The following KCNK13 variants were observed in gnomAD, a reference collection of about 807,000 sequenced individuals.
KCNK13 encodes potassium two pore domain channel subfamily K member 13, also known as potassium channel subfamily K member 13.
KCNK13 carries 12 observed loss-of-function variants against 23.4 expected under a neutral mutation model. The ratio of observed to expected loss-of-function variants is 0.51; its 90% CI spans 0.33 to 0.83. The LOEUF (loss-of-function observed/expected upper bound fraction) is 0.83. Ranked by LOEUF, KCNK13 falls within the 40% of genes least tolerant of loss-of-function variation. The probability of loss-of-function intolerance (pLI) is 0.02; values close to 1 mark genes in which losing one functional copy is unlikely to be tolerated. For missense variants in KCNK13, 463 were observed against 556.3 expected (o/e 0.83, Z 1.69); for synonymous variants, 231 against 229.5 (o/e 1.01, Z -0.06).
chr14:90,169,283 G>A (rs575616731), intron 1 of KCNK13, among the ~76,000 whole-genome samples: 1 of 152,328 alleles, frequency 6.6e-6, no homozygotes, highest in South Asian at 2.1e-4. Flanking sequence ...TCATCTGCAG[G>A]TGACTCAGAA....
chr14:90,145,063 G>GT (rs921521679), intron 1 of KCNK13, among the ~76,000 whole-genome samples: 5 of 151,014 alleles, frequency 3.3e-5, no homozygotes, highest in African/African-American at 7.3e-5. Flanking sequence ...ATTACATGGG[G>GT]TTTTTTTTTA....
rs578169106 is a variant in KCNK13, at chr14:90,172,070, G to A, written c.335-12041G>A. 5.9e-4 allele frequency among the ~76,000 whole-genome samples: 90 copies of A among 152,172 alleles called. 3 individuals are homozygous for A. The South Asian group carries it at 0.016, about 28-fold the overall frequency. ...GGTGGCTCACACATGTAATCCCACC[G>A]CTTTGGGAGGATTAGGTGGGCAGAT... On this transcript the variant is annotated intron_variant, in intron 1 of 1. Transcript: ENST00000282146.
intron 1 of KCNK13, among the ~76,000 whole-genome samples, chr14:90,110,189 G>A (rs1889598098): frequency 6.6e-6 from 1 of 152,146 alleles, no homozygotes; most frequent in Admixed American, 6.5e-5. Flanking sequence ...CAGCTTTAAT[G>A]TGCGTGCAGA....
intron 1 of KCNK13, among the ~76,000 whole-genome samples, chr14:90,153,303 G>A (rs888289230): frequency 6.6e-6 from 1 of 152,174 alleles, no homozygotes; most frequent in African/African-American, 2.4e-5. Flanking sequence ...AAAGACTGTA[G>A]TTCTCATACT....
intron 1 of KCNK13, among the ~76,000 whole-genome samples, chr14:90,105,775 C>T (rs988861486): frequency 6.6e-6 from 1 of 152,096 alleles, no homozygotes; most frequent in Non-Finnish European, 1.5e-5. Flanking sequence ...TATTTTATAG[C>T]TGTAATTTCT....
intron 1 of KCNK13, among the ~76,000 whole-genome samples, chr14:90,128,942 C>T (rs888798601): frequency 2.5e-4 from 38 of 152,222 alleles, no homozygotes; most frequent in Admixed American, 1.2e-3. Context: ...CTATCCTATC[C>T]TGCGTCTTCC....
chr14:90,076,118 G>T (rs1468555549), intron 1 of KCNK13, among the ~76,000 whole-genome samples: 1 of 152,226 alleles, frequency 6.6e-6, no homozygotes, highest in Non-Finnish European at 1.5e-5. Context: ...AGGTCTCAAG[G>T]TACTAGTGTT....
chr14:90,158,296 A>T (rs1890217227), intron 1 of KCNK13, among the ~76,000 whole-genome samples: 1 of 152,222 alleles, frequency 6.6e-6, no homozygotes, highest in Admixed American at 6.5e-5. Context: ...ACTGTGGGAA[A>T]TGTCCCCGCA....
chr14:90,094,276 C>T (rs569010019), intron 1 of KCNK13, among the ~76,000 whole-genome samples: 2 of 152,296 alleles, frequency 1.3e-5, no homozygotes, highest in South Asian at 4.2e-4. Flanking sequence ...ATTCACATGA[C>T]CTCCCAAAGT....
At chr14:90,155,843 A>C (rs1261371626) in intron 1 of KCNK13, among the ~76,000 whole-genome samples, 1 of 152,196 alleles carries the variant, frequency 6.6e-6, no homozygotes, top group African/African-American at 2.4e-5. Context: ...GCCAAGTGGA[A>C]AAGTAAAACA....
rs966144248 is a variant in KCNK13 at position 90,153,467 on chromosome 14, G to A, written c.335-30644G>A. On this transcript the variant is annotated intron_variant, in intron 1 of 1. Coordinates refer to ENST00000282146, the MANE Select transcript of KCNK13 (RefSeq NM_022054.4). Reference sequence around the variant, plus strand: ...GTTTATAGCACAGAGCCTGGAACCCGGTACATGCTGGATAAATACTAACTG... The same window carrying A: ...GTTTATAGCACAGAGCCTGGAACCCAGTACATGCTGGATAAATACTAACTG... Among the ~76,000 whole-genome samples the A allele has an allele frequency of 3.3e-5, 5 of 152,132 alleles. No homozygotes were observed. In the East Asian group the frequency reaches 7.7e-4, roughly 23 times the overall value.
chr14:90,145,919 GAGGAT>G (rs1281723966), intron 1 of KCNK13, among the ~76,000 whole-genome samples: 2 of 152,042 alleles, frequency 1.3e-5, no homozygotes, highest in African/African-American at 2.4e-5. Flanking sequence ...GCCGAGGTAG[GAGGAT>G]CACTTGAGCT....
chr14:90,121,791 C>T (rs1248884487), intron 1 of KCNK13, among the ~76,000 whole-genome samples: 1 of 152,138 alleles, frequency 6.6e-6, no homozygotes, highest in Non-Finnish European at 1.5e-5. Flanking sequence ...ACAATCTCAG[C>T]TCACTGCAAC....
At chr14:90,157,309 C>T (rs776059735) in intron 1 of KCNK13, among the ~76,000 whole-genome samples, 12 of 152,304 alleles carry the variant, frequency 7.9e-5, no homozygotes, top group Middle Eastern at 3.4e-3. Context: ...CTGCTGTACT[C>T]GTGCAGGCCC....
chr14:90,094,348 C>G (rs571407924), intron 1 of KCNK13, among the ~76,000 whole-genome samples: 1 of 152,324 alleles, frequency 6.6e-6, no homozygotes, highest in South Asian at 2.1e-4. Context: ...CTAGTGTTTG[C>G]TCAATTGAAT....
intron 1 of KCNK13, among the ~76,000 whole-genome samples, chr14:90,143,685 A>G (rs962176722): frequency 1.2e-4 from 18 of 152,216 alleles, no homozygotes; most frequent in Non-Finnish European, 1.5e-5. Context: ...AGCAGATCCT[A>G]GAACTAGGAC....
chr14:90,095,707 A>G (rs1357836934), intron 1 of KCNK13, among the ~76,000 whole-genome samples: 1 of 152,122 alleles, frequency 6.6e-6, no homozygotes, highest in African/African-American at 2.4e-5. Flanking sequence ...TATCCTATAT[A>G]TCAAGCAAGC....
intron 1 of KCNK13, among the ~76,000 whole-genome samples, chr14:90,116,413 C>T (rs1204447386): frequency 6.6e-6 from 1 of 152,200 alleles, no homozygotes; most frequent in Non-Finnish European, 1.5e-5. Flanking sequence ...TAGTTATAAA[C>T]TATCGCACAG....
chr14:90,142,812 A>G (rs970731104), intron 1 of KCNK13, among the ~76,000 whole-genome samples: 2 of 152,230 alleles, frequency 1.3e-5, no homozygotes, highest in Non-Finnish European at 2.9e-5. Flanking sequence ...GTATGGGAGC[A>G]TTCACTGGTA....
Sources: gnomAD v4.1 joint callset for allele counts (sites outside exome capture counted in the v4.1 genomes callset) on GRCh38, gnomAD v4.1.1 for gene constraint, MANE v1.5 for transcripts, NCBI Gene and HGNC (gene_info 2026-07-23, HGNC 2026-07-21) for gene names.